Variants in FBXO28 observed in about 807,000 individuals in gnomAD.
FBXO28 encodes F-box only protein 28.
Under a neutral mutation model 38.1 loss-of-function variants are expected in FBXO28, and 8 were observed. The observed-to-expected ratio is 0.21, with a 90% CI of 0.12 to 0.38. The LOEUF (loss-of-function observed/expected upper bound fraction) is 0.38. Among genes scored for constraint, FBXO28 ranks in the 10% least tolerant of loss-of-function variants. The pLI is 1.00. For synonymous variants in FBXO28, 168 were observed against 173.8 expected (o/e 0.97, Z 0.26); for missense variants, 345 against 460.6 (o/e 0.75, Z 2.30).
Position 224,148,838 on chromosome 1 carries a change from C to A in FBXO28, c.517-4304C>A, listed in dbSNP as rs541054304. ...GTGTACCTTCCTCCTGCTCTAACTT[C>A]CCTTACCTGTTGAAATTTACTTACT... On this transcript the variant is annotated intron_variant, in intron 3 of 4. Transcript: ENST00000366862. Among the ~76,000 whole-genome samples, 6 of 68,830 alleles carry A rather than the reference C, an allele frequency of 8.7e-5. No homozygotes were observed. In the South Asian group the frequency reaches 3.3e-3, roughly 38 times the overall value. The allele number at this position is 68,830 out of a possible 152,430, so 45.2% of individuals were successfully genotyped here.
intron 3 of FBXO28, among the ~76,000 whole-genome samples, chr1:224,142,531 T>C (rs773636985): frequency 5.9e-5 from 9 of 151,672 alleles, no homozygotes; most frequent in Non-Finnish European, 1.0e-4. Context: ...GAAAAAAAAA[T>C]CAGGCTGGGC....
chr1:224,118,183 T>C (rs980784553), intron 1 of FBXO28, among the ~76,000 whole-genome samples: 2 of 151,884 alleles, frequency 1.3e-5, no homozygotes, highest in Non-Finnish European at 2.9e-5. Flanking sequence ...ACTCCTAGGC[T>C]CAAGTGGTCC....
In FBXO28 at chr1:224,153,342, C is replaced by G; in HGVS notation, c.712+5C>G. On this transcript the variant is annotated splice_donor_5th_base_variant and intron_variant, in intron 4 of 4. Coordinates refer to ENST00000366862, the MANE Select transcript of FBXO28 (RefSeq NM_015176.4). ...GACTCATGGGCTCTCCTCCAGGTAT[C>G]TCTACTTTATAATCATGCTTGTACA... is the stretch of plus-strand genomic sequence containing the variant. 1.3e-6 allele frequency: 2 copies of G among 1,564,540 alleles called. No homozygotes were observed. Among genetic ancestry groups the G allele is most frequent in the South Asian group, 1.2e-5 (1 of 80,660 alleles).
At chr1:224,145,643 C>T (rs921125659) in intron 3 of FBXO28, among the ~76,000 whole-genome samples, 1 of 152,126 alleles carries the variant, frequency 6.6e-6, no homozygotes, top group African/African-American at 2.4e-5. Flanking sequence ...AATATTGAGG[C>T]CAGGCCTGGT....
chr1:224,149,284 T>C (rs1489095899), intron 3 of FBXO28, among the ~76,000 whole-genome samples: 5 of 151,794 alleles, frequency 3.3e-5, no homozygotes, highest in African/African-American at 4.8e-5. Flanking sequence ...CTTTTTTTTT[T>C]TTTTTTTGAG....
Position 224,160,252 on chromosome 1 carries a change from T to C in FBXO28, c.*2506T>C, listed in dbSNP as rs183996528. ...ACTGACATATGTTACAAGAAAACTG[T>C]AAATTAACCTCCTGAGAGAACCATT... is the stretch of plus-strand genomic sequence containing the variant. On this transcript the variant is annotated 3_prime_UTR_variant, in exon 5 of 5. Coordinates refer to ENST00000366862, the MANE Select transcript of FBXO28 (RefSeq NM_015176.4). The C allele has an allele frequency of 8.9e-4, 135 of 152,322 alleles. No individual in the cohort carries two copies. The highest frequency in any genetic ancestry group is 3.1e-3 in the African/African-American group (128 of 41,568). 9.4% of individuals were successfully genotyped at this position (152,322 alleles called of 1,614,324 possible).
intron 1 of FBXO28, among the ~76,000 whole-genome samples, chr1:224,129,900 G>A (rs1656995543): frequency 1.3e-5 from 2 of 152,178 alleles, no homozygotes; most frequent in African/African-American, 4.8e-5. Flanking sequence ...TGAGGCAGGA[G>A]AATGGCGTGA....
intron 4 of FBXO28, among the ~76,000 whole-genome samples, chr1:224,157,042 G>A (rs570788179): frequency 5.1e-4 from 78 of 151,542 alleles, no homozygotes; most frequent in African/African-American, 1.8e-3. Flanking sequence ...TTTACTGCTT[G>A]TATTTTGTTA....
intron 1 of FBXO28, among the ~76,000 whole-genome samples, chr1:224,124,246 T>C (rs886160751): frequency 6.6e-6 from 1 of 152,242 alleles, no homozygotes; most frequent in Non-Finnish European, 1.5e-5. Context: ...TTTTCATTAC[T>C]GACCACAACT....
At chr1:224,120,469 A>C (rs150412479) in intron 1 of FBXO28, among the ~76,000 whole-genome samples, 1 of 152,342 alleles carries the variant, frequency 6.6e-6, no homozygotes, top group African/African-American at 2.4e-5. Context: ...TTTTCCAATT[A>C]CCTTAGTCTG....
intron 4 of FBXO28, 50 bp from the exon 5 acceptor site, chr1:224,157,302 G>C: frequency 6.5e-7 from 1 of 1,529,112 alleles, no homozygotes; most frequent in South Asian, 1.3e-5. Flanking sequence ...AAGTATTACT[G>C]GTAGAGAGAC....
chr1:224,133,857 GTT>G (rs1657114579), intron 2 of FBXO28, among the ~76,000 whole-genome samples: 1 of 151,394 alleles, frequency 6.6e-6, no homozygotes. Flanking sequence ...AATTTGTTTT[GTT>G]TGTTTTCAAA....
chr1:224,139,246 T>C (rs1657279667), intron 3 of FBXO28, among the ~76,000 whole-genome samples: 1 of 151,918 alleles, frequency 6.6e-6, no homozygotes, highest in African/African-American at 2.4e-5. Flanking sequence ...TTAGGCATTA[T>C]TGGCTTGTAT....
At chr1:224,115,353 A>G (rs1206187493) in intron 1 of FBXO28, among the ~76,000 whole-genome samples, 1 of 152,218 alleles carries the variant, frequency 6.6e-6, no homozygotes, top group South Asian at 2.1e-4. Flanking sequence ...AACCGATTCC[A>G]TGGAGAAGCT....
chr1:224,136,559 T>C (rs1164310863), intron 3 of FBXO28, among the ~76,000 whole-genome samples: 1 of 147,656 alleles, frequency 6.8e-6, no homozygotes, highest in African/African-American at 2.5e-5. Flanking sequence ...CCATCTCTAC[T>C]AAAAATACAA....
intron 1 of FBXO28, among the ~76,000 whole-genome samples, chr1:224,123,918 G>A (rs1558187452): frequency 6.6e-6 from 1 of 152,126 alleles, no homozygotes; most frequent in Non-Finnish European, 1.5e-5. Context: ...AGACCAGCCT[G>A]ATCAACATGG....
Position 224,157,601 on chromosome 1 carries a change from A to G in FBXO28, c.962A>G (p.Glu321Gly). The change falls in exon 5 of 5, where the codon GAA becomes GGA. Residue 321 changes from glutamate (E) to glycine (G), a missense_variant. By Grantham distance (98) the Glu-to-Gly change is moderately conservative. This residue lies in a region of FBXO28 where 151 missense variants were observed against 188.3 expected (regional missense o/e 0.80). Transcript: ENST00000366862. Reference protein sequence around the residue: ...GEQNARLAELERKLREVMESA... With the variant: ...GEQNARLAELGRKLREVMESA... ...CAAAATGCACGGTTGGCAGAGCTAGAACGCAAACTACGAGAAGTAATGGAA... is the reference window on the plus strand; with the variant it reads ...CAAAATGCACGGTTGGCAGAGCTAGGACGCAAACTACGAGAAGTAATGGAA... 1 of 1,614,270 alleles carries G rather than the reference A, an allele frequency of 6.2e-7. No individual in the cohort carries two copies. The highest frequency in any genetic ancestry group is 8.5e-7 in the Non-Finnish European group (1 of 1,180,048).
intron 3 of FBXO28, among the ~76,000 whole-genome samples, chr1:224,149,385 C>G (rs1035443102): frequency 6.6e-6 from 1 of 151,460 alleles, no homozygotes; most frequent in African/African-American, 2.4e-5. Context: ...AGAGACAGAG[C>G]TCACAGTGTT....
chr1:224,121,635 G>A (rs891179869), intron 1 of FBXO28, among the ~76,000 whole-genome samples: 2 of 152,050 alleles, frequency 1.3e-5, no homozygotes, highest in African/African-American at 2.4e-5. Flanking sequence ...GATTGCAGAC[G>A]TGAGCCACCA....
Sources: allele counts gnomAD v4.1 joint callset (sites outside exome capture counted in the v4.1 genomes callset), GRCh38; gene constraint gnomAD v4.1.1; regional missense constraint gnomAD v4.1.1; transcripts MANE v1.5; gene names NCBI Gene and HGNC (gene_info 2026-07-23, HGNC 2026-07-21).